GRIK1: variants seen among roughly 807,000 people sequenced by gnomAD.
The protein encoded by GRIK1 is glutamate receptor ionotropic, kainate 1.
A neutral mutation model predicts 105.7 loss-of-function variants in GRIK1; 69 were observed. That is an observed-to-expected ratio of 0.65 (90% confidence interval 0.54 to 0.80). The LOEUF (loss-of-function observed/expected upper bound fraction) is 0.80, where lower values mean the gene tolerates loss of function less well. GRIK1 is among the 30% of genes least tolerant of loss of function. The pLI is 0.00. For missense variants in GRIK1, 1,109 were observed against 1,167.3 expected, an observed-to-expected ratio of 0.95 and a Z score of 0.73; for synonymous variants, 438 against 431.3, an observed-to-expected ratio of 1.02 and a Z score of -0.19.
chr21:29,562,172 C>T (rs555206130), intron 14 of GRIK1, among the ~76,000 whole-genome samples: 6 of 152,248 alleles, frequency 3.9e-5, no homozygotes, highest in Admixed American at 1.3e-4. Context: ...CACTCAACTC[C>T]AGCAGGTATT....
chr21:29,644,008 G>C (rs1478082088), intron 6 of GRIK1, among the ~76,000 whole-genome samples: 1 of 152,074 alleles, frequency 6.6e-6, no homozygotes, highest in African/African-American at 2.4e-5. Flanking sequence ...ATTATTTCTG[G>C]AGAGTAATAG....
intron 1 of GRIK1, among the ~76,000 whole-genome samples, chr21:29,860,123 T>G (rs2068590323): frequency 1.3e-5 from 2 of 152,344 alleles, no homozygotes; most frequent in Admixed American, 1.3e-4. Context: ...TAACTTTCAC[T>G]CTAGGCCAGG....
At chr21:29,573,885 C>T (rs2090820471) in intron 14 of GRIK1, among the ~76,000 whole-genome samples, 1 of 150,164 alleles carries the variant, frequency 6.7e-6, no homozygotes, top group South Asian at 2.1e-4. Flanking sequence ...GACACTTTGT[C>T]ATTTAAAGGA....
At chr21:29,758,151 C>T (rs986846610) in intron 1 of GRIK1, among the ~76,000 whole-genome samples, 5 of 152,130 alleles carry the variant, frequency 3.3e-5, no homozygotes, top group African/African-American at 7.2e-5. Flanking sequence ...CAAGGAAAAC[C>T]GTGAAATATA....
intron 14 of GRIK1, among the ~76,000 whole-genome samples, chr21:29,566,984 G>A (rs977508280): frequency 4.6e-5 from 7 of 152,134 alleles, no homozygotes; most frequent in Admixed American, 2.0e-4. Flanking sequence ...AGAAATAATC[G>A]AAACAAGTAG....
At chr21:29,670,204 T>C (rs909486851) in intron 4 of GRIK1, among the ~76,000 whole-genome samples, 2 of 152,206 alleles carry the variant, frequency 1.3e-5, no homozygotes, top group African/African-American at 4.8e-5. Flanking sequence ...GCCATCTCTT[T>C]AGTGTCTTCC....
rs2091021159 is a variant in GRIK1, at chr21:29,581,431, G to T, written c.1906C>A (p.Gln636Lys). 3.1e-6 allele frequency: 5 copies of T among 1,593,980 alleles called. No homozygotes were observed. The highest frequency in any genetic ancestry group is 4.3e-6 in the Non-Finnish European group (5 of 1,162,026). The change falls in exon 13 of 18, where the codon CAG becomes AAG. Residue 636 changes from glutamine (Q) to lysine (K), a missense_variant. Gln to Lys is a moderately conservative substitution (Grantham distance 53, BLOSUM62 1). Around this residue, in one of 5 missense-constraint regions of GRIK1, gnomAD observed 264 missense variants for 306.9 expected, o/e 0.86. Transcript: ENST00000327783. ...AGATAGGCAACCGGTGTACCTTGCT[G>T]CATGAGAGCTCCAACTCCAAACCAG... ...SFWFGVGALM[Q>K]QGSELMPKAL...
chr21:29,560,704 T>C, intron 15 of GRIK1, among the ~76,000 whole-genome samples: 1 of 150,610 alleles, frequency 6.6e-6, no homozygotes. Flanking sequence ...CGGGTTCAAA[T>C]GATTCTCCTG....
At chr21:29,546,231 A>T (rs1043095666) in intron 16 of GRIK1, among the ~76,000 whole-genome samples, 6 of 152,018 alleles carry the variant, frequency 3.9e-5, no homozygotes, top group Admixed American at 3.9e-4. Flanking sequence ...GCCCTTCCAC[A>T]CATGCCTCTT....
intron 1 of GRIK1, among the ~76,000 whole-genome samples, chr21:29,778,571 A>G (rs1294846128): frequency 6.6e-6 from 1 of 152,202 alleles, no homozygotes; most frequent in East Asian, 1.9e-4. Context: ...TTCAAAGGAA[A>G]TTATTTGACT....
intron 1 of GRIK1, among the ~76,000 whole-genome samples, chr21:29,864,098 G>T (rs968292982): frequency 6.6e-6 from 1 of 150,846 alleles, no homozygotes; most frequent in Admixed American, 6.6e-5. Flanking sequence ...ATATTTAACA[G>T]ATTTTTTTTT....
intron 14 of GRIK1, among the ~76,000 whole-genome samples, chr21:29,574,807 C>T (rs1456778896): frequency 6.6e-6 from 1 of 151,428 alleles, no homozygotes; most frequent in Non-Finnish European, 1.5e-5. Flanking sequence ...CCTGCCTCAG[C>T]CTCCCGAGTA....
intron 4 of GRIK1, among the ~76,000 whole-genome samples, chr21:29,671,059 T>A (rs2063150773): frequency 6.6e-6 from 1 of 152,204 alleles, no homozygotes; most frequent in Non-Finnish European, 1.5e-5. Flanking sequence ...AGTGTGAGAA[T>A]TAGATATGGT....
intron 1 of GRIK1, among the ~76,000 whole-genome samples, chr21:29,812,067 T>A (rs1178573982): frequency 6.6e-6 from 1 of 152,194 alleles, no homozygotes; most frequent in Non-Finnish European, 1.5e-5. Context: ...TCAGTTACCT[T>A]CATGTGAAAT....
At chr21:29,847,748 T>A (rs892069441) in intron 1 of GRIK1, among the ~76,000 whole-genome samples, 39 of 152,340 alleles carry the variant, frequency 2.6e-4, no homozygotes, top group African/African-American at 9.1e-4. Flanking sequence ...ATTCTCTGTA[T>A]CCTCAGCTGG....
intron 1 of GRIK1, among the ~76,000 whole-genome samples, chr21:29,895,981 A>C (rs1464540258): frequency 1.3e-5 from 2 of 152,142 alleles, no homozygotes; most frequent in African/African-American, 2.4e-5. Flanking sequence ...TGTCCCTGAA[A>C]TAACCAAGGC....
intron 1 of GRIK1, chr21:29,763,494 G>A (rs1001518298): frequency 1.3e-5 from 2 of 152,422 alleles, no homozygotes. Flanking sequence ...ATTATTTGAG[G>A]AGTGGGTGGG....
At chr21:29,558,815 A>C (rs577911162) in intron 15 of GRIK1, among the ~76,000 whole-genome samples, 1 of 152,136 alleles carries the variant, frequency 6.6e-6, no homozygotes, top group Non-Finnish European at 1.5e-5. Flanking sequence ...AAAGTGCTGC[A>C]TTCATTTAGG....
At chr21:29,820,211 T>G (rs371100931) in intron 1 of GRIK1, among the ~76,000 whole-genome samples, 1 of 152,230 alleles carries the variant, frequency 6.6e-6, no homozygotes, top group South Asian at 2.1e-4. Flanking sequence ...GTGTCTACTC[T>G]CACTGTTTCC....
Sources: allele counts gnomAD v4.1 joint callset (sites outside exome capture counted in the v4.1 genomes callset), GRCh38; gene constraint gnomAD v4.1.1; regional missense constraint gnomAD v4.1.1; transcripts MANE v1.5; gene names NCBI Gene and HGNC (gene_info 2026-07-23, HGNC 2026-07-21).